B4GALT1: variants seen among roughly 807,000 people sequenced by gnomAD.
B4GALT1 encodes N-acetyllactosamine synthase.
In B4GALT1, 16 loss-of-function variants were observed where a neutral mutation model predicts 34.9. The observed-to-expected ratio is 0.46, with a 90% CI of 0.31 to 0.70. B4GALT1 has a LOEUF of 0.70. B4GALT1 is among the 30% of genes least tolerant of loss of function. The pLI, the probability that B4GALT1 is intolerant of heterozygous loss-of-function variation, is 0.05. For missense variants in B4GALT1, 445 were observed against 530.5 expected (o/e 0.84, Z 1.58); for synonymous variants, 221 against 218.1 (o/e 1.01, Z -0.12).
chr9:33,182,524 C>T, the B4GALT1 span, among the ~76,000 whole-genome samples: 9 of 152,274 alleles, frequency 5.9e-5, no homozygotes, highest in African/African-American at 2.2e-4. Context: ...TCAGACTCCC[C>T]CTGGACTGAC....
At position 33,162,182 on chromosome 9, in the gene B4GALT1, A is replaced by G. The variant is rs546691690; in HGVS notation, c.412+4576T>C. Among the ~76,000 whole-genome samples, 4 of 152,376 alleles carry G rather than the reference A, an allele frequency of 2.6e-5. No homozygotes were observed. The East Asian group carries it at 7.7e-4, about 29-fold the overall frequency. On this transcript the variant is annotated intron_variant, in intron 1 of 5. Transcript: ENST00000379731. ...AAAGATTACTCAGCAGAACTAATGC[A>G]TAGCTTCAGAAATTAGAGGAAAATT... is the stretch of plus-strand genomic sequence containing the variant.
At chr9:33,166,683 G>T (rs943109131) in intron 1 of B4GALT1, 75 bp downstream of exon 1, 2 of 1,411,818 alleles carry the variant, frequency 1.4e-6, no homozygotes, top group Non-Finnish European at 1.9e-6. Context: ...CAGCCTGAGG[G>T]AATGTCTGGG....
chr9:33,105,327 C>G (rs978625579), intron 2 of B4GALT1, among the ~76,000 whole-genome samples: 2 of 151,774 alleles, frequency 1.3e-5, no homozygotes, highest in African/African-American at 4.8e-5. Context: ...TTAGTAGAGA[C>G]AGGGTTTCTC....
chr9:33,164,734 T>C (rs927668679), intron 1 of B4GALT1, among the ~76,000 whole-genome samples: 9 of 152,200 alleles, frequency 5.9e-5, no homozygotes, highest in Non-Finnish European at 1.3e-4. Flanking sequence ...TAATCAACTT[T>C]GCGGTACTTT....
At position 33,141,388 on chromosome 9, in the gene B4GALT1, G is replaced by A. The variant is rs537744575; in HGVS notation, c.413-5964C>T. Among the ~76,000 whole-genome samples the A allele has an allele frequency of 7.9e-5, 12 of 152,202 alleles. No homozygotes were observed. The South Asian group carries it at 2.5e-3, about 32-fold the overall frequency. ...AATACAAAAATTAACCGGGTGTGGT[G>A]TAGCTGTAATCCCAGCTACTTAGGA... On this transcript the variant is annotated intron_variant, in intron 1 of 5. Transcript: ENST00000379731.
At chr9:33,108,848 A>G (rs1839823595), downstream of B4GALT1, 1 of 152,130 alleles carries the variant, frequency 6.6e-6, no homozygotes, top group Admixed American at 6.5e-5. Flanking sequence ...CCTGGTACAG[A>G]GCCCCTAAAA....
the B4GALT1 span, chr9:33,178,816 A>G: frequency 2.6e-5 from 4 of 152,266 alleles, no homozygotes; most frequent in Admixed American, 6.5e-5. Context: ...CTAATTAGTT[A>G]TTGCCATAAT....
At chr9:33,116,454 C>T (rs1408909582) in intron 3 of B4GALT1, among the ~76,000 whole-genome samples, 6 of 151,244 alleles carry the variant, frequency 4.0e-5, no homozygotes, top group South Asian at 2.1e-4. Flanking sequence ...GATCTCTTAA[C>T]CTCGTGATCC....
intron 1 of B4GALT1, among the ~76,000 whole-genome samples, chr9:33,152,158 G>C (rs1449819151): frequency 6.6e-6 from 1 of 152,016 alleles, no homozygotes; most frequent in Non-Finnish European, 1.5e-5. Flanking sequence ...ACAAAAATTA[G>C]CTGGGTGTGG....
At chr9:33,177,119 G>A in the B4GALT1 span, among the ~76,000 whole-genome samples, 1 of 152,026 alleles carries the variant, frequency 6.6e-6, no homozygotes, top group African/African-American at 2.4e-5. Flanking sequence ...TCTTCTTCCT[G>A]TACTTTTTCA....
At chr9:33,118,435 G>A (rs1304545731) in intron 3 of B4GALT1, among the ~76,000 whole-genome samples, 2 of 152,096 alleles carry the variant, frequency 1.3e-5, no homozygotes, top group Non-Finnish European at 2.9e-5. Flanking sequence ...CAAAGCAGGA[G>A]GATTGCTTGA....
chr9:33,177,676 C>T, the B4GALT1 span, among the ~76,000 whole-genome samples: 2 of 152,196 alleles, frequency 1.3e-5, no homozygotes, highest in Non-Finnish European at 2.9e-5. Flanking sequence ...AAAAAAACTA[C>T]CCAAAATGAA....
At chr9:33,135,115 C>T in intron 2 of B4GALT1, 74 bp downstream of exon 2, 1 of 1,426,540 alleles carries the variant, frequency 7.0e-7, no homozygotes, top group African/African-American at 1.4e-5. Context: ...CTTCCCCTGC[C>T]CTCATTACAC....
chr9:33,139,514 A>G (rs971477428), intron 1 of B4GALT1, among the ~76,000 whole-genome samples: 3 of 152,174 alleles, frequency 2.0e-5, no homozygotes, highest in Non-Finnish European at 4.4e-5. Context: ...CCTTTGAGAC[A>G]ACAGACAGCA....
At chr9:33,170,465 T>C (rs1840830131), upstream of B4GALT1, among the ~76,000 whole-genome samples, 1 of 152,166 alleles carries the variant, frequency 6.6e-6, no homozygotes, top group Non-Finnish European at 1.5e-5. Flanking sequence ...TGGGTCAGAT[T>C]AGTCCTGCAA....
At chr9:33,178,185 T>G in the B4GALT1 span, among the ~76,000 whole-genome samples, 2 of 151,794 alleles carry the variant, frequency 1.3e-5, no homozygotes, top group Non-Finnish European at 2.9e-5. Flanking sequence ...AGATATGGGG[T>G]TTTGCCATGT....
the B4GALT1 span, among the ~76,000 whole-genome samples, chr9:33,175,919 A>G: frequency 6.6e-6 from 1 of 152,246 alleles, no homozygotes; most frequent in South Asian, 2.1e-4. Context: ...TAAACTCGCA[A>G]CTTTTACTTA....
In B4GALT1 at chr9:33,127,198, A is replaced by C. The variant is rs574486348; in HGVS notation, c.649-6592T>G. The stretch of plus-strand genomic sequence containing the variant: ...CAGGATGGTCTCGATCTCCTGACCT[A>C]GTGATCCGCCCACCTCGGCCTCCCA... On this transcript the variant is annotated intron_variant, in intron 2 of 5. Transcript: ENST00000379731. Among the ~76,000 whole-genome samples, 1,233 of 152,106 alleles carry C rather than the reference A, an allele frequency of 8.1e-3. 11 individuals are homozygous for C. Among genetic ancestry groups the C allele is most frequent in the African/African-American group, 0.028 (1,176 of 41,480 alleles).
chr9:33,181,626 G>A, the B4GALT1 span, among the ~76,000 whole-genome samples: 12 of 152,130 alleles, frequency 7.9e-5, no homozygotes, highest in Non-Finnish European at 1.6e-4. Context: ...TGGCCTGGGT[G>A]ACTTATATCT....
Sources: allele counts gnomAD v4.1 joint callset (sites outside exome capture counted in the v4.1 genomes callset), GRCh38; gene constraint gnomAD v4.1.1; transcripts MANE v1.5; gene names NCBI Gene and HGNC (gene_info 2026-07-23, HGNC 2026-07-21).